Variants in DOCK11 observed in about 807,000 individuals in gnomAD.
The protein encoded by DOCK11 is dedicator of cytokinesis protein 11.
A neutral mutation model predicts 169.1 loss-of-function variants in DOCK11; 70 were observed. The observed-to-expected ratio is 0.41, with a 90% confidence interval of 0.34 to 0.51. The LOEUF (loss-of-function observed/expected upper bound fraction) is 0.51, where lower values mean the gene tolerates loss of function less well. DOCK11 is among the 20% of genes least tolerant of loss of function. The pLI, the probability that DOCK11 is intolerant of heterozygous loss-of-function variation, is 0.10. For missense variants in DOCK11, 1,166 were observed against 1,538.8 expected (o/e 0.76, Z 4.05); for synonymous variants, 529 against 541.3 (o/e 0.98, Z 0.32).
At chrX:118,653,569 C>T (rs996927378) in intron 42 of DOCK11, among the ~76,000 whole-genome samples, 13 of 110,431 alleles carry the variant, frequency 1.2e-4, no homozygotes, top group African/African-American at 4.0e-4. Context: ...CCTGCCACCA[C>T]GCCTGGGTAA....
At chrX:118,627,623 A>C (rs1467384240) in intron 33 of DOCK11, 44 bp downstream of exon 33, 1 of 928,100 alleles carries the variant, frequency 1.1e-6, no homozygotes, top group Admixed American at 2.3e-5. Flanking sequence ...GGGTGTTTAG[A>C]CATGTACCCT....
At chrX:118,555,193 G>A (rs144453771) in intron 6 of DOCK11, among the ~76,000 whole-genome samples, 119 of 111,410 alleles carry the variant, frequency 1.1e-3, no homozygotes, top group Non-Finnish European at 2.0e-3. Flanking sequence ...GCCCAGATAC[G>A]GTAGAATTAT....
intron 46 of DOCK11, among the ~76,000 whole-genome samples, chrX:118,671,654 G>T (rs1168267356): frequency 9.0e-6 from 1 of 111,576 alleles, no homozygotes; most frequent in African/African-American, 3.3e-5. Context: ...TAGAAATTGA[G>T]ATTTAAATTA....
At chrX:118,566,766 C>G in intron 9 of DOCK11, 113 bp downstream of exon 9, 1 of 678,370 alleles carries the variant, frequency 1.5e-6, no homozygotes, top group East Asian at 3.8e-5. Context: ...AAAACCACAG[C>G]AAATTGGTGA....
chrX:118,586,967 A>C (rs763150333), intron 16 of DOCK11, among the ~76,000 whole-genome samples: 14 of 112,612 alleles, frequency 1.2e-4, no homozygotes, highest in African/African-American at 4.2e-4. Context: ...GAGGTGTGGC[A>C]TCCACTTTAT....
intron 6 of DOCK11, among the ~76,000 whole-genome samples, chrX:118,555,297 G>A (rs1403833925): frequency 9.0e-6 from 1 of 111,536 alleles, no homozygotes; most frequent in African/African-American, 3.3e-5. Context: ...GCTCATGCCT[G>A]TAATGCCAGC....
chrX:118,629,813 T>TA (rs2015192730), intron 34 of DOCK11, among the ~76,000 whole-genome samples: 1 of 68,937 alleles, frequency 1.5e-5, no homozygotes, highest in Admixed American at 2.2e-4. Flanking sequence ...CACACCCAGC[T>TA]AAATTTTTTT....
chrX:118,533,201 G>T (rs1340275137), intron 1 of DOCK11, among the ~76,000 whole-genome samples: 1 of 110,931 alleles, frequency 9.0e-6, no homozygotes, highest in African/African-American at 3.3e-5. Flanking sequence ...CATGTTGGCC[G>T]GGCTGGTCTC....
intron 31 of DOCK11, among the ~76,000 whole-genome samples, chrX:118,621,641 CT>C (rs1186402287): frequency 8.4e-5 from 9 of 107,321 alleles, no homozygotes; most frequent in South Asian, 4.0e-4. Context: ...ATATCTCTCT[CT>C]TTTTTTTTTG....
At chrX:118,524,714 T>C (rs1031571380) in intron 1 of DOCK11, among the ~76,000 whole-genome samples, 7 of 111,615 alleles carry the variant, frequency 6.3e-5, no homozygotes, top group African/African-American at 2.3e-4. Context: ...TGGTTGTTAT[T>C]CAAAAAACTG....
At chrX:118,524,005 T>C (rs1367173561) in intron 1 of DOCK11, among the ~76,000 whole-genome samples, 3 of 111,898 alleles carry the variant, frequency 2.7e-5, no homozygotes, top group African/African-American at 9.8e-5. Flanking sequence ...GAAGTTTGAG[T>C]GTGTAGTTAA....
At chrX:118,666,377 A>G (rs1173903840) in intron 45 of DOCK11, among the ~76,000 whole-genome samples, 5 of 112,458 alleles carry the variant, frequency 4.4e-5, no homozygotes, top group Non-Finnish European at 9.4e-5. Flanking sequence ...GAACATGCCC[A>G]TTCCTTCGGG....
chrX:118,576,340 C>A (rs2013445424), intron 12 of DOCK11, among the ~76,000 whole-genome samples: 1 of 111,126 alleles, frequency 9.0e-6, no homozygotes, highest in Non-Finnish European at 1.9e-5. Flanking sequence ...GGGCCATAGA[C>A]CTTGTCCTAA....
intron 1 of DOCK11, among the ~76,000 whole-genome samples, chrX:118,514,123 T>G (rs1813879882): frequency 9.1e-6 from 1 of 110,115 alleles, no homozygotes; most frequent in Admixed American, 9.7e-5. Context: ...ATCTGATGGT[T>G]TTTTAAACGT....
intron 46 of DOCK11, among the ~76,000 whole-genome samples, chrX:118,672,713 G>A (rs776965037): frequency 1.8e-5 from 2 of 113,212 alleles, no homozygotes; most frequent in Non-Finnish European, 3.7e-5. Flanking sequence ...GGGATTACAG[G>A]CGTGAGCCAC....
intron 37 of DOCK11, among the ~76,000 whole-genome samples, chrX:118,639,221 G>A (rs988072110): frequency 5.4e-5 from 6 of 112,016 alleles, no homozygotes; most frequent in African/African-American, 1.9e-4. Flanking sequence ...AAGAAGGAGG[G>A]AAGTGGAAGC....
intron 1 of DOCK11, among the ~76,000 whole-genome samples, chrX:118,504,802 G>A (rs923997594): frequency 3.3e-4 from 37 of 111,581 alleles, no homozygotes; most frequent in African/African-American, 1.1e-3. Flanking sequence ...CACCCTGGAC[G>A]CTCCCAGAGC....
chrX:118,507,554 T>G (rs1274347098), intron 1 of DOCK11, among the ~76,000 whole-genome samples: 2 of 111,396 alleles, frequency 1.8e-5, no homozygotes, highest in Non-Finnish European at 3.8e-5. Flanking sequence ...TTCACCATGT[T>G]GGCCATGCTG....
At chrX:118,564,705 TTCTCTTTCTCTCTC>T (rs1343140467) in intron 7 of DOCK11, among the ~76,000 whole-genome samples, 3 of 88,838 alleles carry the variant, frequency 3.4e-5, no homozygotes, top group Non-Finnish European at 7.1e-5. Flanking sequence ...TTCTGTTTCT[TTCTCTTTCTCTCTC>T]TCTCTTTCTC....
Sources: gnomAD v4.1 joint callset for allele counts (sites outside exome capture counted in the v4.1 genomes callset) on GRCh38, gnomAD v4.1.1 for gene constraint, MANE v1.5 for transcripts, NCBI Gene and HGNC (gene_info 2026-07-23, HGNC 2026-07-21) for gene names.